Variants in PCDHGB1 observed in about 807,000 individuals in gnomAD.
PCDHGB1 encodes protocadherin gamma-B1.
In PCDHGB1, 34 loss-of-function variants were observed where a neutral mutation model predicts 56.6. That is an observed-to-expected ratio of 0.60 (90% CI 0.46 to 0.80). The LOEUF (loss-of-function observed/expected upper bound fraction) is 0.80, where lower values mean the gene tolerates loss of function less well. Ranked by LOEUF, PCDHGB1 falls within the 30% of genes least tolerant of loss-of-function variation. PCDHGB1 has a pLI of 0.00. For synonymous variants in PCDHGB1, 561 were observed against 505.9 expected (o/e 1.11, Z -1.46); for missense variants, 1,278 against 1,204.6 (o/e 1.06, Z -0.90).
chr5:141,392,822 T>C (rs1234169256), intron 1 of PCDHGB1: 1 of 1,595,210 alleles, frequency 6.3e-7, no homozygotes, highest in East Asian at 2.2e-5. Context: ...CAATGGCCGC[T>C]CCACAGAGTC....
chr5:141,463,208 C>G (rs895284460), intron 1 of PCDHGB1, among the ~76,000 whole-genome samples: 1 of 152,090 alleles, frequency 6.6e-6, no homozygotes, highest in African/African-American at 2.4e-5. Flanking sequence ...CTTGGGGATC[C>G]ATATTAATAT....
At chr5:141,404,675 G>A (rs1048688884) in intron 1 of PCDHGB1, 2 of 1,614,200 alleles carry the variant, frequency 1.2e-6, no homozygotes, top group Non-Finnish European at 1.7e-6. Flanking sequence ...TTCTACTGGT[G>A]TGGAGCTGGC....
At chr5:141,478,487 A>G (rs1593917832) in intron 1 of PCDHGB1, 1 of 1,613,454 alleles carries the variant, frequency 6.2e-7, no homozygotes, top group South Asian at 1.1e-5. Flanking sequence ...CACGCTGCGG[A>G]GCTGTGATCC....
chr5:141,365,000 G>A (rs188773052), intron 1 of PCDHGB1: 10 of 1,613,822 alleles, frequency 6.2e-6, no homozygotes, highest in Admixed American at 5.0e-5. Context: ...GGTACTCTCC[G>A]GCACCACGCA....
intron 1 of PCDHGB1, among the ~76,000 whole-genome samples, chr5:141,469,029 C>A (rs2099189188): frequency 6.6e-6 from 1 of 152,052 alleles, no homozygotes; most frequent in Non-Finnish European, 1.5e-5. Flanking sequence ...GTAATCCCAG[C>A]ACTTTGGGAG....
At chr5:141,478,460 C>G (rs759992881) in intron 1 of PCDHGB1, 1 of 1,613,344 alleles carries the variant, frequency 6.2e-7, no homozygotes, top group East Asian at 2.2e-5. Flanking sequence ...AGCCAGTCCA[C>G]TGGCCAGCCG....
intron 2 of PCDHGB1, among the ~76,000 whole-genome samples, chr5:141,495,107 AC>A (rs1422274779): frequency 1.3e-5 from 2 of 152,048 alleles, no homozygotes; most frequent in Non-Finnish European, 2.9e-5. Context: ...CACGACCGGC[AC>A]CTTTTCCTAT....
chr5:141,365,897 G>C, intron 1 of PCDHGB1: 1 of 1,614,214 alleles, frequency 6.2e-7, no homozygotes, highest in East Asian at 2.2e-5. Flanking sequence ...CTTCGACTAT[G>C]AGCAGTTGAG....
At chr5:141,459,686 C>T (rs79275885) in intron 1 of PCDHGB1, among the ~76,000 whole-genome samples, 5,534 of 152,296 alleles carry the variant, frequency 0.036, 130 homozygotes, top group South Asian at 0.077. Flanking sequence ...ATGCATAAAG[C>T]GTTCCGCTTG....
intron 1 of PCDHGB1, chr5:141,375,207 ACT>A: frequency 3.7e-6 from 6 of 1,613,896 alleles, no homozygotes; most frequent in Non-Finnish European, 5.1e-6. Flanking sequence ...TTCGATCGAG[ACT>A]CTGGCCTGAA....
chr5:141,476,309 A>G lies in PCDHGB1; in HGVS notation c.2410-18498A>G. ...GGATCTCGGTAGCCTCTCAGCCCGC[A>G]GGTTCCGGGTGGTGTCTGGAGCTAG... On this transcript the variant is annotated intron_variant, in intron 1 of 3. Transcript: ENST00000523390. The surrounding 1 kb of genome is among the most constrained non-coding windows in gnomAD (Gnocchi z 7.6). The G allele has an allele frequency of 6.2e-7, 1 of 1,613,966 alleles. No homozygotes were observed. Among genetic ancestry groups the G allele is most frequent in the Non-Finnish European group, 8.5e-7 (1 of 1,179,988 alleles).
intron 1 of PCDHGB1, among the ~76,000 whole-genome samples, chr5:141,470,014 A>G (rs1394478856): frequency 6.6e-6 from 1 of 152,200 alleles, no homozygotes; most frequent in Non-Finnish European, 1.5e-5. Flanking sequence ...CTGTAATCCC[A>G]GCTACTCGGG....
Position 141,403,914 on chromosome 5 carries a change from C to A in PCDHGB1, c.2409+51245C>A, listed in dbSNP as rs748975395. The A allele has an allele frequency of 1.3e-5, 21 of 1,613,662 alleles. No homozygotes were observed. Among genetic ancestry groups the A allele is most frequent in the South Asian group, 2.2e-5 (2 of 91,064 alleles). On this transcript the variant is annotated intron_variant, in intron 1 of 3. Coordinates refer to ENST00000523390, the MANE Select transcript of PCDHGB1 (RefSeq NM_018922.3). ...TCATTTTATGAAATGGAAATACAAG[C>A]TGAAGATGGTGGGGGATTGAAAGGG...
In PCDHGB1 at chr5:141,354,495, G is replaced by T. The variant is rs751604496; in HGVS notation, c.2409+1826G>T. Among the ~76,000 whole-genome samples the T allele has an allele frequency of 2.9e-4, 44 of 152,326 alleles. 1 individual carries two copies. Among genetic ancestry groups the T allele is most frequent in the Non-Finnish European group, 4.7e-4 (32 of 68,030 alleles). Reference sequence around the variant, plus strand: ...GGGTAAGGCTAACTCTTGAACAGTAGGTGAGTTTTTTGCAAGGGAATTGAA... The same window carrying T: ...GGGTAAGGCTAACTCTTGAACAGTATGTGAGTTTTTTGCAAGGGAATTGAA... On this transcript the variant is annotated intron_variant, in intron 1 of 3. Coordinates refer to ENST00000523390, the MANE Select transcript of PCDHGB1 (RefSeq NM_018922.3).
chr5:141,484,988 G>A (rs1187402042), intron 1 of PCDHGB1: 2 of 604,830 alleles, frequency 3.3e-6, no homozygotes, highest in Admixed American at 3.0e-5. Context: ...CAATCGGGTG[G>A]TGAAAGGCAG....
chr5:141,386,970 C>T (rs767088472), intron 1 of PCDHGB1, among the ~76,000 whole-genome samples: 17 of 152,108 alleles, frequency 1.1e-4, no homozygotes, highest in Non-Finnish European at 2.1e-4. Flanking sequence ...ATCTCAGTGA[C>T]TTTGTGTTTT....
rs1310227506 is a variant in PCDHGB1, at chr5:141,432,214, CCAGATCACTTATTCCCTGG to C, written c.2410-62591_2410-62573del. ...ACGACCCCGACTGTGAAGAGAACGC[CCAGATCACTTATTCCCTGG>C]CTGAGAACACCATCCAAGGGGCAAG... is the stretch of plus-strand genomic sequence containing the variant. On this transcript the variant is annotated intron_variant, in intron 1 of 3. Transcript: ENST00000523390. This position sits in a 1 kb window ranked among gnomAD's most constrained non-coding sequence, Gnocchi z 6.0. 3.1e-6 allele frequency: 5 copies of C among 1,614,236 alleles called. No homozygotes were observed. The highest frequency in any genetic ancestry group is 4.2e-6 in the Non-Finnish European group (5 of 1,180,050).
intron 1 of PCDHGB1, chr5:141,403,034 G>T (rs1589474195): frequency 1.9e-6 from 3 of 1,614,096 alleles, no homozygotes; most frequent in East Asian, 2.2e-5. Flanking sequence ...GGAGGCCAGG[G>T]CCAGTCAGAT....
chr5:141,435,542 A>C (rs1402711516), intron 1 of PCDHGB1, among the ~76,000 whole-genome samples: 1 of 152,146 alleles, frequency 6.6e-6, no homozygotes, highest in Non-Finnish European at 1.5e-5. Flanking sequence ...GAATTAACAA[A>C]ATGTGTTTTG....
Sources: gnomAD v4.1 joint callset for allele counts (sites outside exome capture counted in the v4.1 genomes callset) on GRCh38, gnomAD v4.1.1 for gene constraint, Gnocchi (gnomAD v3.1) non-coding constraint, MANE v1.5 for transcripts, NCBI Gene and HGNC (gene_info 2026-07-23, HGNC 2026-07-21) for gene names.